The following KAZN variants were observed in gnomAD, a reference collection of about 807,000 sequenced individuals.
KAZN encodes the protein kazrin.
KAZN carries 40 observed loss-of-function variants against 87.4 expected under a neutral mutation model. That is an observed-to-expected ratio of 0.46 (90% CI 0.36 to 0.60). The LOEUF (loss-of-function observed/expected upper bound fraction) is 0.60. Among genes scored for constraint, KAZN ranks in the 20% least tolerant of loss-of-function variants. The pLI, the probability that KAZN is intolerant of heterozygous loss-of-function variation, is 0.00. For synonymous variants in KAZN, 466 were observed against 458.3 expected (o/e 1.02, Z -0.22); for missense variants, 898 against 1,073.9 (o/e 0.84, Z 2.29).
chr1:14,657,358 T>C (rs1026010954), intron 1 of KAZN, among the ~76,000 whole-genome samples: 1 of 152,208 alleles, frequency 6.6e-6, no homozygotes. Context: ...GCTGGGATTA[T>C]AGGCGTGAGC....
chr1:13,963,710 C>G (rs1002712195), intron 1 of KAZN, among the ~76,000 whole-genome samples: 1 of 150,810 alleles, frequency 6.6e-6, no homozygotes, highest in Non-Finnish European at 1.5e-5. Flanking sequence ...AACAAAAAAC[C>G]TTCATCTCCT....
chr1:14,937,287 G>A (rs1209407243), intron 1 of KAZN, among the ~76,000 whole-genome samples: 2 of 152,188 alleles, frequency 1.3e-5, no homozygotes, highest in Non-Finnish European at 2.9e-5. Flanking sequence ...TTAATTACTT[G>A]CAGGTTTTCT....
At chr1:14,028,090 C>G (rs575024935) in intron 1 of KAZN, among the ~76,000 whole-genome samples, 1 of 152,330 alleles carries the variant, frequency 6.6e-6, no homozygotes, top group South Asian at 2.1e-4. Flanking sequence ...CCTTGCTAAT[C>G]TTATTGGAGT....
At chr1:15,111,574 G>A (rs112802970) in intron 13 of KAZN, among the ~76,000 whole-genome samples, 171 of 152,292 alleles carry the variant, frequency 1.1e-3, no homozygotes, top group African/African-American at 4.0e-3. Flanking sequence ...CACCATGCCC[G>A]GCCTAGAAGT....
Position 14,903,612 on chromosome 1 carries a change from C to T in KAZN, c.227-57072C>T, listed in dbSNP as rs577051423. Among the ~76,000 whole-genome samples the T allele has an allele frequency of 3.9e-5, 6 of 152,280 alleles. No individual in the cohort carries two copies. The East Asian group carries it at 1.2e-3, about 29-fold the overall frequency. ...GGTCTGCTTTGTTGTTTCCTTGTGG[C>T]TAAAGATAGGGATGATGTGAGAATC... On this transcript the variant is annotated intron_variant, in intron 1 of 14. Transcript: ENST00000376030.
chr1:14,626,047 G>A (rs899506546), intron 1 of KAZN, among the ~76,000 whole-genome samples: 1 of 152,320 alleles, frequency 6.6e-6, no homozygotes, highest in Admixed American at 6.5e-5. Flanking sequence ...AGTTGAAAGA[G>A]CTGGCACAGC....
intron 1 of KAZN, among the ~76,000 whole-genome samples, chr1:13,926,555 T>G (rs1486680072): frequency 6.6e-6 from 1 of 152,076 alleles, no homozygotes; most frequent in Non-Finnish European, 1.5e-5. Context: ...CCAGTGACAT[T>G]GGGTCCTGAT....
chr1:13,896,314 C>A (rs1639042024), intron 1 of KAZN, among the ~76,000 whole-genome samples: 1 of 151,642 alleles, frequency 6.6e-6, no homozygotes, highest in South Asian at 2.1e-4. Flanking sequence ...ACTTTATTTG[C>A]AAAAGCAAAT....
At chr1:14,887,657 G>A (rs564925736) in intron 1 of KAZN, among the ~76,000 whole-genome samples, 2 of 149,288 alleles carry the variant, frequency 1.3e-5, no homozygotes, top group South Asian at 2.1e-4. Flanking sequence ...CCATCAACCC[G>A]TCGTGGTAGT....
chr1:14,537,662 G>C (rs1305355207), intron 2 of KAZN, among the ~76,000 whole-genome samples: 1 of 152,208 alleles, frequency 6.6e-6, no homozygotes, highest in African/African-American at 2.4e-5. Flanking sequence ...TACCTCGCCA[G>C]GTTGGTGGGA....
At chr1:14,636,141 A>C (rs2148666921) in intron 1 of KAZN, among the ~76,000 whole-genome samples, 1 of 152,292 alleles carries the variant, frequency 6.6e-6, no homozygotes, top group South Asian at 2.1e-4. Flanking sequence ...TGGCCACCAG[A>C]ACAACTGGGT....
In KAZN at chr1:13,962,729, T is replaced by C. The variant is rs554445420; in HGVS notation, c.91+68973T>C. 1.8e-3 allele frequency among the ~76,000 whole-genome samples: 269 copies of C among 152,230 alleles called. 1 individual carries two copies. The highest frequency in any genetic ancestry group is 6.4e-3 in the African/African-American group (267 of 41,520). ...TGCACCACCACGCCTGGCTAAGTTT[T>C]GTATTTTTAGTAGAGTGAGTGTTTC... On this transcript the variant is annotated intron_variant, in intron 1 of 16. Coordinates refer to the KAZN transcript ENST00000636203.
intron 8 of KAZN, among the ~76,000 whole-genome samples, chr1:15,078,672 C>T (rs1639863181): frequency 6.6e-6 from 1 of 152,178 alleles, no homozygotes; most frequent in African/African-American, 2.4e-5. Flanking sequence ...TTGCCCCATG[C>T]TGTGGCTCTG....
chr1:14,222,546 A>G (rs1647129080), intron 2 of KAZN, among the ~76,000 whole-genome samples: 1 of 152,194 alleles, frequency 6.6e-6, no homozygotes, highest in South Asian at 2.1e-4. Flanking sequence ...GGGCCATTAG[A>G]TCTGAATTTA....
At chr1:14,304,041 C>A (rs562526306) in intron 2 of KAZN, among the ~76,000 whole-genome samples, 1 of 152,318 alleles carries the variant, frequency 6.6e-6, no homozygotes, top group East Asian at 1.9e-4. Flanking sequence ...ACCTTACCAA[C>A]TTCAAGTATT....
intron 2 of KAZN, among the ~76,000 whole-genome samples, chr1:14,468,848 C>T (rs1238158291): frequency 3.3e-5 from 5 of 152,194 alleles, no homozygotes; most frequent in Non-Finnish European, 5.9e-5. Context: ...AAGATGGTCT[C>T]GCCTTGGTGA....
At chr1:14,537,640 G>T (rs1198514355) in intron 2 of KAZN, among the ~76,000 whole-genome samples, 1 of 152,108 alleles carries the variant, frequency 6.6e-6, no homozygotes, top group Non-Finnish European at 1.5e-5. Flanking sequence ...TGATTATATT[G>T]CCTGTTCCCC....
chr1:13,961,182 C>T lies in KAZN; in HGVS notation c.91+67426C>T, dbSNP rs773007488. On this transcript the variant is annotated intron_variant, in intron 1 of 16. Coordinates refer to the KAZN transcript ENST00000636203. ...GTGTAATGATTTCATTCCTGGGGTTCGCGTGTGTGTGGAGTCTCTGTGTGT... is the reference window on the plus strand; with the variant it reads ...GTGTAATGATTTCATTCCTGGGGTTTGCGTGTGTGTGGAGTCTCTGTGTGT... Among the ~76,000 whole-genome samples the T allele has an allele frequency of 2.6e-5, 4 of 152,046 alleles. No individual in the cohort carries two copies. In the East Asian group the frequency reaches 5.8e-4, roughly 22 times the overall value.
intron 1 of KAZN, among the ~76,000 whole-genome samples, chr1:14,784,556 T>A (rs1328178681): frequency 2.6e-5 from 4 of 152,088 alleles, no homozygotes; most frequent in Admixed American, 6.6e-5. Flanking sequence ...GTGAGGAGTT[T>A]GAGACCAGCC....
Sources: allele counts gnomAD v4.1 joint callset (sites outside exome capture counted in the v4.1 genomes callset), GRCh38; gene constraint gnomAD v4.1.1; transcripts MANE v1.5; gene names NCBI Gene and HGNC (gene_info 2026-07-23, HGNC 2026-07-21).